Variants in CNTD1 observed in about 807,000 individuals in gnomAD.
CNTD1 encodes cyclin N-terminal domain containing 1, also known as cyclin N-terminal domain-containing protein 1.
In CNTD1, 17 loss-of-function variants were observed where a neutral mutation model predicts 36.3. The ratio of observed to expected loss-of-function variants is 0.47; its 90% CI spans 0.32 to 0.70. The LOEUF is 0.70. CNTD1 is among the 30% of genes least tolerant of loss of function. The pLI, the probability that CNTD1 is intolerant of heterozygous loss-of-function variation, is 0.03. For synonymous variants in CNTD1, 128 were observed against 153.3 expected, an observed-to-expected ratio of 0.83 and a Z score of 1.22; for missense variants, 338 against 386.1, an observed-to-expected ratio of 0.88 and a Z score of 1.04.
chr17:42,807,651 T>A (rs1166865320), intron 5 of CNTD1, 117 bp from the exon 6 acceptor site: 10 of 734,098 alleles, frequency 1.4e-5, no homozygotes, highest in Non-Finnish European at 2.1e-5. Context: ...TCCTTCCATG[T>A]CTAAAAAATC....
intron 5 of CNTD1, 87 bp from the exon 6 acceptor site, chr17:42,807,681 A>T: frequency 1.1e-6 from 1 of 950,344 alleles, no homozygotes; most frequent in Admixed American, 1.9e-5. Context: ...CGACACAAAT[A>T]ATTCATAGTT....
rs200840933 is a variant in CNTD1 at position 42,806,788 on chromosome 17, T to G, written c.695T>G (p.Ile232Ser). ...PIYESLLRAS[I>S]ENSTPSQLQG... ...TATGAGAGCCTGTTGAGGGCTTCAA[T>G]TGAGAACTCCACTCCCAGTCAGCTG... is the stretch of plus-strand genomic sequence containing the variant. The change falls in exon 5 of 7, where the codon ATT (isoleucine) becomes AGT (serine). Residue 232 changes from isoleucine to serine, a missense_variant. Physicochemically the swap from Ile to Ser is moderately radical, Grantham distance 142 (BLOSUM62 -2). Coordinates refer to ENST00000588408, the MANE Select transcript of CNTD1 (RefSeq NM_173478.3). The G allele has an allele frequency of 6.2e-7, 1 of 1,614,166 alleles. No homozygotes were observed.
intron 1 of CNTD1, among the ~76,000 whole-genome samples, chr17:42,799,566 A>AGG (rs911384156): frequency 1.3e-5 from 2 of 151,660 alleles, no homozygotes; most frequent in African/African-American, 2.4e-5. Context: ...AGCCTGACCA[A>AGG]CATGGTGAAA....
intron 5 of CNTD1, 66 bp from the exon 6 acceptor site, chr17:42,807,702 G>C: frequency 8.8e-7 from 1 of 1,134,968 alleles, no homozygotes; most frequent in Non-Finnish European, 1.3e-6. Context: ...GAAGTTCCAT[G>C]ACCCTATGAT....
Position 42,811,126 on chromosome 17 carries a change from G to C in CNTD1, c.*1591G>C, listed in dbSNP as rs1396833135. ...ACAAGAGCCTCATTGTCATTGCAGA[G>C]TACAGGGACAGGACACACACCCAAA... On this transcript the variant is annotated 3_prime_UTR_variant, in exon 7 of 7. Transcript: ENST00000588408. The C allele has an allele frequency of 5.9e-6, 3 of 509,108 alleles. No homozygotes were observed. Among genetic ancestry groups the C allele is most frequent in the Non-Finnish European group, 1.0e-5 (3 of 300,094 alleles). 31.5% of individuals were successfully genotyped at this position (509,108 alleles called of 1,614,324 possible).
In CNTD1 at chr17:42,805,860, G is replaced by C. The variant is rs2054870869; in HGVS notation, c.556G>C (p.Val186Leu). Residue 186 changes from valine to leucine, a missense_variant, in exon 4 of 7, where the codon GTG becomes CTG. Transcript: ENST00000588408. The part of the protein sequence containing the change: ...RINLPTPLAY[V>L]ETLLEVLGYN... ...TAATCTGCCCACTCCCCTGGCATAT[G>C]TGGAGACGCTCCTAGAGGTTTTAGG... The C allele has an allele frequency of 3.1e-6, 5 of 1,613,392 alleles. No homozygotes were observed. The highest frequency in any genetic ancestry group is 4.2e-6 in the Non-Finnish European group (5 of 1,179,746).
Position 42,803,614 on chromosome 17 carries a change from T to C in CNTD1, c.170-6T>C. ...TGAATTAGGCTCTTTTTTCCTGTTT[T>C]GGCAGAGTTTGTTTTTCTCCTGTCT... On this transcript the variant is annotated splice_polypyrimidine_tract_variant and splice_region_variant and intron_variant, in intron 1 of 6. Transcript: ENST00000588408. 2 of 1,612,772 alleles carry C rather than the reference T, an allele frequency of 1.2e-6. No homozygotes were observed. Among genetic ancestry groups the C allele is most frequent in the Non-Finnish European group, 1.7e-6 (2 of 1,179,296 alleles).
Position 42,803,654 on chromosome 17 carries a change from G to C in CNTD1, c.204G>C (p.Leu68=). The change falls in exon 2 of 7, where the codon CTG becomes CTC. Residue 68 remains leucine (L), a synonymous_variant. Coordinates refer to ENST00000588408, the MANE Select transcript of CNTD1 (RefSeq NM_173478.3). ...TTCTCCTGTCTGAACAATGGTGTCTGGAGAAATCTGTGAGCTACCAGGCTG... is the reference window on the plus strand; with the variant it reads ...TTCTCCTGTCTGAACAATGGTGTCTCGAGAAATCTGTGAGCTACCAGGCTG... ...FVFLLSEQWC[L]EKSVSYQAVE... 6.2e-7 allele frequency: 1 copy of C among 1,614,004 alleles called. No homozygotes were observed. The highest frequency in any genetic ancestry group is 8.5e-7 in the Non-Finnish European group (1 of 1,179,954).
chr17:42,807,066 T>C (rs1034910063), intron 5 of CNTD1, among the ~76,000 whole-genome samples: 1 of 152,152 alleles, frequency 6.6e-6, no homozygotes, highest in African/African-American at 2.4e-5. Flanking sequence ...TCCTAGTTTT[T>C]CCTTTATAGC....
At chr17:42,804,917 T>TAC (rs375447863) in intron 3 of CNTD1, among the ~76,000 whole-genome samples, 56 of 152,084 alleles carry the variant, frequency 3.7e-4, no homozygotes, top group African/African-American at 1.1e-3. Context: ...GCATACCTTC[T>TAC]ACACACACAC....
At chr17:42,805,185 TATC>T (rs1171694123) in intron 3 of CNTD1, among the ~76,000 whole-genome samples, 1 of 152,138 alleles carries the variant, frequency 6.6e-6, no homozygotes, top group African/African-American at 2.4e-5. Context: ...TACAGTAAAA[TATC>T]ATTCATTCAA....
chr17:42,807,186 C>T (rs754833913), intron 5 of CNTD1, among the ~76,000 whole-genome samples: 18 of 151,966 alleles, frequency 1.2e-4, no homozygotes, highest in Non-Finnish European at 2.1e-4. Context: ...GAGGCTGAGG[C>T]GGGCAGATCA....
At chr17:42,805,672 G>C (rs778799013) in intron 3 of CNTD1, 50 bp from the exon 4 acceptor site, 6 of 1,526,350 alleles carry the variant, frequency 3.9e-6, no homozygotes, top group Middle Eastern at 1.8e-4. Flanking sequence ...CTGTCAAGAC[G>C]TATGAACTTT....
chr17:42,807,817 A>G lies in CNTD1; in HGVS notation c.775A>G (p.Ile259Val). 1 of 1,614,202 alleles carries G rather than the reference A, an allele frequency of 6.2e-7. No individual in the cohort carries two copies. Residue 259 changes from isoleucine to valine, a missense_variant, in exon 6 of 7, where the codon ATC (isoleucine) becomes GTC (valine). By Grantham distance (29) the Ile-to-Val change is conservative. Coordinates refer to ENST00000588408, the MANE Select transcript of CNTD1 (RefSeq NM_173478.3). ...AGACTTCATGCTGTTGGCAGTAGGA[A>G]TCATTGCAGCAAGTGCTTTCATCCA... Reference protein sequence around the residue: ...KEDFMLLAVGIIAASAFIQNH... With the variant: ...KEDFMLLAVGVIAASAFIQNH...
In CNTD1 at chr17:42,810,467, G is replaced by GT; in HGVS notation, c.*934dup. ...AACACATCAATCTCAATTCAACTCA[G>GT]TTAAAAAAAAGAAAAGCAAATTTAA... On this transcript the variant is annotated 3_prime_UTR_variant, in exon 7 of 7. Transcript: ENST00000588408. 1 of 204,692 alleles carries GT rather than the reference G, an allele frequency of 4.9e-6. No individual in the cohort carries two copies. The highest frequency in any genetic ancestry group is 9.7e-6 in the Non-Finnish European group (1 of 102,910). The allele number at this position is 204,692 out of a possible 1,614,324, so 12.7% of individuals were successfully genotyped here.
At chr17:42,800,463 T>C (rs2054761069) in intron 1 of CNTD1, among the ~76,000 whole-genome samples, 1 of 152,134 alleles carries the variant, frequency 6.6e-6, no homozygotes, top group African/African-American at 2.4e-5. Flanking sequence ...GAAGAATAGT[T>C]GAAATTAATA....
At chr17:42,801,510 A>AATATATATATAT (rs1216506814) in intron 1 of CNTD1, among the ~76,000 whole-genome samples, 12 of 54,336 alleles carry the variant, frequency 2.2e-4, no homozygotes, top group Non-Finnish European at 2.1e-4. Context: ...AAAAAAAAAA[A>AATATATATATAT]ATATATATAT....
In CNTD1 at chr17:42,799,190, G is replaced by A. The variant is rs2054728523; in HGVS notation, c.123G>A (p.Arg41=). 4.3e-6 allele frequency: 7 copies of A among 1,614,124 alleles called. No homozygotes were observed. Among genetic ancestry groups the A allele is most frequent in the Non-Finnish European group, 5.9e-6 (7 of 1,180,010 alleles). The change falls in exon 1 of 7, where the codon AGG becomes AGA. Residue 41 remains arginine (R), a synonymous_variant. Transcript: ENST00000588408. The part of the protein sequence containing the change: ...HLAQQNEQAV[R]EASGRLGRFR... ...CCCAGCAGAATGAGCAAGCAGTGAG[G>A]GAGGCTTCGGGGCGGCTGGGCCGCT... is the stretch of plus-strand genomic sequence containing the variant.
chr17:42,806,853 G>C, intron 5 of CNTD1, 35 bp downstream of exon 5: 2 of 1,607,260 alleles, frequency 1.2e-6, no homozygotes. Context: ...CTCCTTCCAG[G>C]AACAGGGAAG....
Sources: gnomAD v4.1 joint callset for allele counts (sites outside exome capture counted in the v4.1 genomes callset) on GRCh38, gnomAD v4.1.1 for gene constraint, MANE v1.5 for transcripts, NCBI Gene and HGNC (gene_info 2026-07-23, HGNC 2026-07-21) for gene names.